MBOAT2: variants seen among roughly 807,000 people sequenced by gnomAD.
The protein encoded by MBOAT2 is membrane bound glycerophospholipid O-acyltransferase 2.
MBOAT2 carries 28 observed loss-of-function variants against 63.4 expected under a neutral mutation model. That is an observed-to-expected ratio of 0.44 (90% CI 0.33 to 0.61). MBOAT2 has a LOEUF of 0.61. Ranked by LOEUF, MBOAT2 falls within the 20% of genes least tolerant of loss-of-function variation. MBOAT2 has a pLI of 0.03. For missense variants in MBOAT2, 470 were observed against 605.8 expected (o/e 0.78, Z 2.35); for synonymous variants, 211 against 215.6 (o/e 0.98, Z 0.19).
chr2:8,895,428 T>C (rs1026631601), intron 4 of MBOAT2, among the ~76,000 whole-genome samples: 8 of 152,212 alleles, frequency 5.3e-5, no homozygotes, highest in Admixed American at 2.6e-4. Context: ...AGAGTGCTGG[T>C]TGGTGCATTT....
At chr2:8,868,620 ATG>A (rs1662075663) in intron 8 of MBOAT2, 71 bp from the exon 9 acceptor site, 4 of 1,207,524 alleles carry the variant, frequency 3.3e-6, no homozygotes, top group Non-Finnish European at 4.8e-6. Context: ...CCCAGAAGGT[ATG>A]TGTTATTATA....
chr2:8,926,228 A>G (rs1240692225), intron 3 of MBOAT2, among the ~76,000 whole-genome samples: 2 of 152,150 alleles, frequency 1.3e-5, no homozygotes, highest in African/African-American at 4.8e-5. Context: ...TCCTGGGCTC[A>G]AGCGATTCCC....
chr2:8,954,611 C>A (rs1319574599), intron 2 of MBOAT2, among the ~76,000 whole-genome samples: 2 of 152,150 alleles, frequency 1.3e-5, no homozygotes, highest in Non-Finnish European at 2.9e-5. Context: ...GAAGAGTTGC[C>A]ATTCCAGATG....
intron 4 of MBOAT2, among the ~76,000 whole-genome samples, chr2:8,906,949 C>T (rs1665375890): frequency 6.6e-6 from 1 of 152,184 alleles, no homozygotes; most frequent in Non-Finnish European, 1.5e-5. Flanking sequence ...GGACCTAGAA[C>T]CTCATCTGCT....
Position 8,882,349 on chromosome 2 carries a change from G to A in MBOAT2, c.506+162C>T, listed in dbSNP as rs566238761. Among the ~76,000 whole-genome samples, 5 of 152,340 alleles carry A rather than the reference G, an allele frequency of 3.3e-5. No homozygotes were observed. Among genetic ancestry groups the A allele is most frequent in the African/African-American group, 1.2e-4 (5 of 41,584 alleles). ...AGCCCTAGAAGGGATGCCCAGGCCT[G>A]CCCAGCAGGCTTTGGCAGGAGGGAA... On this transcript the variant is annotated intron_variant, in intron 6 of 12. Coordinates refer to ENST00000305997, the MANE Select transcript of MBOAT2 (RefSeq NM_138799.4).
At position 8,862,713 on chromosome 2, in the gene MBOAT2, A is replaced by G. The variant is rs1661581522; in HGVS notation, c.1062T>C (p.Tyr354=). The G allele has an allele frequency of 1.2e-6, 2 of 1,613,044 alleles. No homozygotes were observed. The highest frequency in any genetic ancestry group is 3.3e-5 in the Admixed American group (2 of 59,788). ...QTALWLKRVC[Y]ERTSFSPTIQ... ...TAGTTGGACTGAAGGAGGTTCGTTC[A>G]TAACACACCCTAGAAACCATGAAAA... Residue 354 remains tyrosine, a synonymous_variant, in exon 11 of 13, where the codon TAT becomes TAC. Transcript: ENST00000305997. The surrounding 1 kb of genome is among the most constrained non-coding windows in gnomAD (Gnocchi z 4.3).
chr2:8,859,718 C>A (rs1247266077), intron 12 of MBOAT2, among the ~76,000 whole-genome samples: 1 of 152,048 alleles, frequency 6.6e-6, no homozygotes, highest in Non-Finnish European at 1.5e-5. Flanking sequence ...AGTTTTTGAT[C>A]TCTAAAATAT....
intron 2 of MBOAT2, 93 bp from the exon 3 acceptor site, chr2:8,943,357 C>T (rs991415562): frequency 1.6e-6 from 1 of 635,842 alleles, no homozygotes; most frequent in African/African-American, 1.9e-5. Flanking sequence ...ATGCATAACA[C>T]AGTATTCCCA....
intron 1 of MBOAT2, among the ~76,000 whole-genome samples, chr2:8,983,877 T>C (rs915069744): frequency 6.6e-6 from 1 of 152,082 alleles, no homozygotes; most frequent in Non-Finnish European, 1.5e-5. Flanking sequence ...TGTTTTAAAA[T>C]AAAGAAAAAT....
At chr2:8,981,461 T>C (rs1671185740) in intron 1 of MBOAT2, among the ~76,000 whole-genome samples, 1 of 152,146 alleles carries the variant, frequency 6.6e-6, no homozygotes, top group South Asian at 2.1e-4. Context: ...CCCCATTCCA[T>C]GTAGTTTCAC....
chr2:8,895,146 CCTAGCGGGAGCCA>C (rs1318834311), intron 4 of MBOAT2, among the ~76,000 whole-genome samples: 2 of 152,198 alleles, frequency 1.3e-5, no homozygotes, highest in African/African-American at 4.8e-5. Context: ...GGAAACGGAC[CCTAGCGGGAGCCA>C]CTGCTGGCTC....
intron 1 of MBOAT2, among the ~76,000 whole-genome samples, chr2:9,001,815 T>C (rs1672709151): frequency 6.6e-6 from 1 of 152,138 alleles, no homozygotes; most frequent in African/African-American, 2.4e-5. Context: ...TATTTCAGCA[T>C]AGCAGGGACG....
chr2:8,877,902 G>A (rs1662816573), intron 6 of MBOAT2, among the ~76,000 whole-genome samples: 1 of 152,210 alleles, frequency 6.6e-6, no homozygotes, highest in Admixed American at 6.5e-5. Context: ...CGGGGGAAGA[G>A]GTGGGAGCAG....
chr2:8,948,874 G>A (rs1437256206), intron 2 of MBOAT2, among the ~76,000 whole-genome samples: 1 of 152,152 alleles, frequency 6.6e-6, no homozygotes, highest in Non-Finnish European at 1.5e-5. Context: ...GGGATTGCTG[G>A]GTCAAACGGT....
chr2:8,996,579 T>C (rs1302320477), intron 1 of MBOAT2, among the ~76,000 whole-genome samples: 1 of 152,212 alleles, frequency 6.6e-6, no homozygotes, highest in African/African-American at 2.4e-5. Context: ...TCAGGTTCGC[T>C]GTAGGCTGGC....
At chr2:8,884,485 T>TA (rs58668120) in intron 5 of MBOAT2, among the ~76,000 whole-genome samples, 114,786 of 142,464 alleles carry the variant, frequency 0.81, 46,076 homozygotes, top group East Asian at 0.95. Context: ...ACCTTTTCCT[T>TA]AAAAAAAAAA....
At chr2:8,968,826 A>G (rs1670218165) in intron 1 of MBOAT2, among the ~76,000 whole-genome samples, 1 of 152,250 alleles carries the variant, frequency 6.6e-6, no homozygotes, top group African/African-American at 2.4e-5. Context: ...AGAACTTTAG[A>G]GAAAAAAGAG....
intron 1 of MBOAT2, among the ~76,000 whole-genome samples, chr2:8,994,981 C>T (rs949865808): frequency 5.3e-5 from 8 of 152,170 alleles, no homozygotes; most frequent in Admixed American, 1.3e-4. Flanking sequence ...AATTCCAGCT[C>T]GCCACATACG....
In MBOAT2 at chr2:8,995,297, T is replaced by C. The variant is rs534183441; in HGVS notation, c.75+8243A>G. 8.5e-5 allele frequency among the ~76,000 whole-genome samples: 13 copies of C among 152,320 alleles called. No homozygotes were observed. In the South Asian group the frequency reaches 2.7e-3, roughly 32 times the overall value. On this transcript the variant is annotated intron_variant, in intron 1 of 12. Coordinates refer to ENST00000305997, the MANE Select transcript of MBOAT2 (RefSeq NM_138799.4). The stretch of plus-strand genomic sequence containing the variant: ...TCACAGAGTAGGCCAAAAGGGACAC[T>C]TGGCTCAGGCCTCCCATTCCGGAAG...
Sources: allele counts gnomAD v4.1 joint callset (sites outside exome capture counted in the v4.1 genomes callset), GRCh38; gene constraint gnomAD v4.1.1; non-coding constraint Gnocchi (gnomAD v3.1); transcripts MANE v1.5; gene names NCBI Gene and HGNC (gene_info 2026-07-23, HGNC 2026-07-21).